The following OVCH1 variants were observed in gnomAD, a reference collection of about 807,000 sequenced individuals.
The protein encoded by OVCH1 is ovochymase 1.
Under a neutral mutation model 138.4 loss-of-function variants are expected in OVCH1, and 139 were observed. The observed-to-expected ratio is 1.00, with a 90% CI of 0.87 to 1.16. The LOEUF is 1.16. Ranked by LOEUF, OVCH1 falls within the 50% of genes most tolerant of loss-of-function variation. The pLI, the probability that OVCH1 is intolerant of heterozygous loss-of-function variation, is 0.00. For missense variants in OVCH1, 1,367 were observed against 1,357.9 expected (o/e 1.01, Z -0.11); for synonymous variants, 453 against 467.8 (o/e 0.97, Z 0.41).
In OVCH1 at chr12:29,496,554, A is replaced by T; in HGVS notation, c.183+2T>A. 1 of 1,588,358 alleles carries T rather than the reference A, an allele frequency of 6.3e-7. No individual in the cohort carries two copies. Among genetic ancestry groups the T allele is most frequent in the Non-Finnish European group, 8.6e-7 (1 of 1,158,544 alleles). On this transcript the variant is annotated splice_donor_variant, in intron 2 of 27. Coordinates refer to ENST00000318184, the Ensembl canonical transcript of OVCH1. LOFTEE classifies it high-confidence loss of function. ...AGAAATCAATGCCTTTGTTGCACTGACCTGCCATGGATGTCCAGTCACTGT... is the reference window on the plus strand; with the variant it reads ...AGAAATCAATGCCTTTGTTGCACTGTCCTGCCATGGATGTCCAGTCACTGT...
At position 29,488,620 on chromosome 12, in the gene OVCH1, C is replaced by CAAAAAAA. The variant is rs67595567; in HGVS notation, c.703-745_703-739dup. 9.1e-4 allele frequency among the ~76,000 whole-genome samples: 56 copies of CAAAAAAA among 61,718 alleles called. 3 individuals carry two copies. Among genetic ancestry groups the CAAAAAAA allele is most frequent in the African/African-American group, 3.5e-3 (52 of 14,752 alleles). 40.5% of individuals were successfully genotyped at this position (61,718 alleles called of 152,430 possible). A position where few individuals can be genotyped will look rare whatever the true frequency, so the allele number is the denominator to read the frequency against. On this transcript the variant is annotated intron_variant, in intron 6 of 27. Coordinates refer to ENST00000318184, the Ensembl canonical transcript of OVCH1. ...TGGGCAACAGAGTGAGACTCCATCT[C>CAAAAAAA]AAAAAAAAAAAAAAAAAAAAAAAGA...
chr12:29,477,465 T>C, exon 11 of OVCH1: 1 of 1,613,918 alleles, frequency 6.2e-7, no homozygotes, highest in East Asian at 2.2e-5. Flanking sequence ...GCAATATTTT[T>C]CCACAGACCT....
At chr12:29,473,971 G>A in intron 14 of OVCH1, among the ~76,000 whole-genome samples, 1 of 151,908 alleles carries the variant, frequency 6.6e-6, no homozygotes, top group Non-Finnish European at 1.5e-5. Flanking sequence ...AAGTTCTTCA[G>A]TTTTGGGACT....
At chr12:29,432,942 G>A (rs11833098) in intron 27 of OVCH1, among the ~76,000 whole-genome samples, 26,224 of 151,992 alleles carry the variant, frequency 0.17, 2,519 homozygotes, top group African/African-American at 0.27. Context: ...AGCAAGAACA[G>A]TGTCCATGAA....
chr12:29,451,159 G>GTAT (rs1941781218), intron 22 of OVCH1, among the ~76,000 whole-genome samples, 186 bp downstream of exon 22: 1 of 150,598 alleles, frequency 6.6e-6, no homozygotes, highest in Non-Finnish European at 1.5e-5. Flanking sequence ...AGAACTTAAA[G>GTAT]TATAATCATA....
intron 3 of OVCH1, among the ~76,000 whole-genome samples, chr12:29,413,992 G>A (rs1040843996): frequency 1.4e-5 from 2 of 148,010 alleles, no homozygotes; most frequent in Non-Finnish European, 3.0e-5. Flanking sequence ...TTTTTAACCA[G>A]CAGCTGGCTT....
chr12:29,450,684 A>G (rs1941762673), intron 22 of OVCH1, among the ~76,000 whole-genome samples: 1 of 152,230 alleles, frequency 6.6e-6, no homozygotes, highest in African/African-American at 2.4e-5. Context: ...CCAAAGGATT[A>G]TAAATCATTC....
At chr12:29,448,961 C>T (rs1183277188) in intron 22 of OVCH1, among the ~76,000 whole-genome samples, 2 of 152,088 alleles carry the variant, frequency 1.3e-5, no homozygotes. Flanking sequence ...CACATCCCTC[C>T]TTACTGCAAG....
intron 3 of OVCH1, among the ~76,000 whole-genome samples, chr12:29,421,476 T>C (rs894236758): frequency 6.6e-6 from 1 of 152,198 alleles, no homozygotes; most frequent in African/African-American, 2.4e-5. Context: ...TTAACTAAAA[T>C]ATTAATATAT....
chr12:29,488,476 G>T (rs1173521517), intron 6 of OVCH1, among the ~76,000 whole-genome samples: 1 of 151,790 alleles, frequency 6.6e-6, no homozygotes, highest in South Asian at 2.1e-4. Flanking sequence ...AAAATTAGCT[G>T]GGCATGGTGG....
At chr12:29,454,706 C>G (rs1941895763) in intron 21 of OVCH1, 135 bp downstream of exon 21, 4 of 701,718 alleles carry the variant, frequency 5.7e-6, no homozygotes, top group Admixed American at 3.1e-5. Flanking sequence ...TCCCCACTTT[C>G]AGCTAAAACT....
At chr12:29,433,645 T>A (rs1277314529) in intron 27 of OVCH1, 3 of 1,184,872 alleles carry the variant, frequency 2.5e-6, no homozygotes, top group Admixed American at 3.5e-5. Flanking sequence ...TTTCTTTGAA[T>A]AGTGCCTGGC....
intron 18 of OVCH1, 39 bp downstream of exon 18, chr12:29,464,465 TAAC>T (rs766899948): frequency 1.9e-6 from 3 of 1,592,074 alleles, no homozygotes; most frequent in South Asian, 1.1e-5. Context: ...TTTTCAAAAA[TAAC>T]AACTGGCATT....
intron 13 of OVCH1, among the ~76,000 whole-genome samples, chr12:29,475,415 C>T (rs1942671208): frequency 6.6e-6 from 1 of 151,836 alleles, no homozygotes; most frequent in Admixed American, 6.6e-5. Flanking sequence ...ATTTGATTTC[C>T]AGTACGCCCG....
intron 18 of OVCH1, among the ~76,000 whole-genome samples, chr12:29,463,186 T>A (rs576279627): frequency 1.1e-4 from 16 of 152,282 alleles, no homozygotes; most frequent in African/African-American, 3.4e-4. Context: ...GGGTTAGATG[T>A]AGAAGATGAC....
downstream of OVCH1, among the ~76,000 whole-genome samples, chr12:29,407,876 G>A (rs1226977863): frequency 1.3e-5 from 2 of 150,912 alleles, no homozygotes; most frequent in Non-Finnish European, 3.0e-5. Context: ...GGATGGCATT[G>A]AATCTATAAA....
At chr12:29,420,397 C>G (rs1941086046) in intron 3 of OVCH1, among the ~76,000 whole-genome samples, 1 of 149,616 alleles carries the variant, frequency 6.7e-6, no homozygotes, top group African/African-American at 2.5e-5. Context: ...CATGTTAAGA[C>G]ATCATTATCT....
chr12:29,414,297 A>AT (rs1488988724), intron 3 of OVCH1, among the ~76,000 whole-genome samples: 1 of 152,122 alleles, frequency 6.6e-6, no homozygotes, highest in Non-Finnish European at 1.5e-5. Context: ...AAGTGCTGGG[A>AT]TTACAGGCAT....
At chr12:29,437,968 C>CT (rs1219693724) in intron 26 of OVCH1, among the ~76,000 whole-genome samples, 1 of 152,108 alleles carries the variant, frequency 6.6e-6, no homozygotes, top group African/African-American at 2.4e-5. Context: ...GTAAACACTT[C>CT]TTATATTAAT....
Sources: gnomAD v4.1 joint callset for allele counts (sites outside exome capture counted in the v4.1 genomes callset) on GRCh38, gnomAD v4.1.1 for gene constraint, MANE v1.5 for transcripts, NCBI Gene and HGNC (gene_info 2026-07-23, HGNC 2026-07-21) for gene names.